The following RASL10A variants were observed in gnomAD, a reference collection of about 807,000 sequenced individuals.
The protein encoded by RASL10A is ras-like protein family member 10A.
A neutral mutation model predicts 17.3 loss-of-function variants in RASL10A; 13 were observed. The observed-to-expected ratio is 0.75, with a 90% CI of 0.49 to 1.20. The LOEUF (loss-of-function observed/expected upper bound fraction) is 1.20, where lower values mean the gene tolerates loss of function less well. Ranked by LOEUF, RASL10A falls within the 50% of genes most tolerant of loss-of-function variation. RASL10A has a pLI of 0.00. For missense variants in RASL10A, 307 were observed against 310.3 expected (o/e 0.99, Z 0.08); for synonymous variants, 159 against 142.2 (o/e 1.12, Z -0.84).
upstream of RASL10A, chr22:29,319,760 G>C (rs1297951369): frequency 6.6e-6 from 1 of 152,268 alleles, no homozygotes; most frequent in Non-Finnish European, 1.5e-5. Context: ...GCCGAGGCAG[G>C]GGAATCACGA....
At chr22:29,318,846 G>C (rs1199343650), upstream of RASL10A, among the ~76,000 whole-genome samples, 1 of 152,210 alleles carries the variant, frequency 6.6e-6, no homozygotes, top group African/African-American at 2.4e-5. Context: ...GGCACACAGT[G>C]GCCAAGGTGG....
rs2061428866 is a variant in RASL10A, at chr22:29,313,175, T to C, written c.*126A>G. The C allele has an allele frequency of 7.9e-7, 1 of 1,270,874 alleles. No individual in the cohort carries two copies. Among genetic ancestry groups the C allele is most frequent in the Non-Finnish European group, 1.0e-6 (1 of 967,346 alleles). 78.7% of individuals were successfully genotyped at this position (1,270,874 alleles called of 1,614,324 possible). A position where few individuals can be genotyped will look rare whatever the true frequency, so the allele number is the denominator to read the frequency against. ...CGCTTAGGAGACTGGGTTGGAGCTT[T>C]CCTCATCCAATCAGGGCGGAGACTT... On this transcript the variant is annotated 3_prime_UTR_variant, in exon 3 of 3. Transcript: ENST00000216101.
chr22:29,313,541 G>A lies in RASL10A; in HGVS notation c.372C>T (p.Ile124=), dbSNP rs1284968576. The A allele has an allele frequency of 6.4e-7, 1 of 1,553,908 alleles. No individual in the cohort carries two copies. Among genetic ancestry groups the A allele is most frequent in the Non-Finnish European group, 8.6e-7 (1 of 1,160,322 alleles). Residue 124 remains isoleucine (I), a synonymous_variant, in exon 3 of 3, where the codon ATC becomes ATT. Transcript: ENST00000216101. ...TRPAGAPEAP[I]LVVGNKRDRQ... Reference sequence around the variant, plus strand: ...TGTCCCGCTTGTTGCCTACCACGAGGATGGGCGCTTCGGGCGCGCCCGCCG... The same window carrying A: ...TGTCCCGCTTGTTGCCTACCACGAGAATGGGCGCTTCGGGCGCGCCCGCCG...
chr22:29,315,922 A>G (rs1180960875), upstream of RASL10A, among the ~76,000 whole-genome samples: 1 of 151,632 alleles, frequency 6.6e-6, no homozygotes, highest in Non-Finnish European at 1.5e-5. This position sits in a 1 kb window ranked among gnomAD's most constrained non-coding sequence, Gnocchi z 5.5. Flanking sequence ...CTTCCCACCC[A>G]CTGCCGCGGC....
upstream of RASL10A, among the ~76,000 whole-genome samples, chr22:29,318,484 C>T (rs1440744764): frequency 6.6e-6 from 1 of 152,212 alleles, no homozygotes; most frequent in East Asian, 1.9e-4. Flanking sequence ...ACCACTCAGC[C>T]CCCTGTCGGG....
upstream of RASL10A, chr22:29,316,921 TG>T (rs751362014): frequency 2.8e-4 from 42 of 151,462 alleles, no homozygotes; most frequent in Middle Eastern, 3.5e-3. Context: ...GCACAGACAA[TG>T]TGCCCACACC....
chr22:29,313,171 G>A lies in RASL10A; in HGVS notation c.*130C>T, dbSNP rs957650747. 16 of 1,249,118 alleles carry A rather than the reference G, an allele frequency of 1.3e-5. No individual in the cohort carries two copies. In the African/African-American group the frequency reaches 1.9e-4, roughly 15 times the overall value. The allele number at this position is 1,249,118 out of a possible 1,614,324, so 77.4% of individuals were successfully genotyped here. A position where few individuals can be genotyped will look rare whatever the true frequency, so the allele number is the denominator to read the frequency against. On this transcript the variant is annotated 3_prime_UTR_variant, in exon 3 of 3. Coordinates refer to ENST00000216101, the MANE Select transcript of RASL10A (RefSeq NM_006477.5). The stretch of plus-strand genomic sequence containing the variant: ...CAGTCGCTTAGGAGACTGGGTTGGA[G>A]CTTTCCTCATCCAATCAGGGCGGAG...
Position 29,313,265 on chromosome 22 carries a change from C to G in RASL10A, c.*36G>C, listed in dbSNP as rs2061429861. On this transcript the variant is annotated 3_prime_UTR_variant, in exon 3 of 3. Transcript: ENST00000216101. ...TCCAGGTCCCTGATTGTCCCAGTCA[C>G]AAGGTGGGGCCCATGGATGGCACTG... 6.2e-6 allele frequency: 9 copies of G among 1,452,336 alleles called. No individual in the cohort carries two copies. The highest frequency in any genetic ancestry group is 7.3e-6 in the Non-Finnish European group (8 of 1,099,058). 90.0% of individuals were successfully genotyped at this position (1,452,336 alleles called of 1,614,324 possible). A position where few individuals can be genotyped will look rare whatever the true frequency, so the allele number is the denominator to read the frequency against.
chr22:29,318,821 AG>A (rs2061464561), upstream of RASL10A, among the ~76,000 whole-genome samples: 1 of 152,196 alleles, frequency 6.6e-6, no homozygotes. Context: ...CCTTCAGCAG[AG>A]GGGACTGGCA....
At position 29,313,392 on chromosome 22, in the gene RASL10A, A is replaced by C; in HGVS notation, c.521T>G (p.Leu174Arg). 1 of 1,543,014 alleles carries C rather than the reference A, an allele frequency of 6.5e-7. No individual in the cohort carries two copies. The highest frequency in any genetic ancestry group is 1.4e-5 in the African/African-American group (1 of 73,144). The change falls in exon 3 of 3, where the codon CTG becomes CGG. Residue 174 changes from leucine (L) to arginine (R), a missense_variant. Leu to Arg is a moderately radical substitution (Grantham distance 102). Transcript: ENST00000216101. ...CGCGCGCACCAGAGCGCAGCGCAGC[A>C]GCTCGCGGAAGAGACGCAGCACGTG... Reference protein sequence around the residue: ...NWHVLRLFRELLRCALVRARP... With the variant: ...NWHVLRLFRERLRCALVRARP...
Position 29,315,459 on chromosome 22 carries a change from G to A in RASL10A, c.-213C>T, listed in dbSNP as rs1027737851. The A allele has an allele frequency of 1.8e-5, 5 of 282,296 alleles. No individual in the cohort carries two copies. Among genetic ancestry groups the A allele is most frequent in the African/African-American group, 6.7e-5 (3 of 44,730 alleles). The allele number at this position is 282,296 out of a possible 1,614,324, so 17.5% of individuals were successfully genotyped here. On this transcript the variant is annotated 5_prime_UTR_variant, in exon 1 of 3. Transcript: ENST00000216101. This position sits in a 1 kb window ranked among gnomAD's most constrained non-coding sequence, Gnocchi z 5.5. Reference sequence around the variant, plus strand: ...AGACAGACAGCCGAGTGGGCAGACAGGTGGCGGGCGCGCGAGCGGCTCGGG... The same window carrying A: ...AGACAGACAGCCGAGTGGGCAGACAAGTGGCGGGCGCGCGAGCGGCTCGGG...
chr22:29,314,093 T>C, intron 1 of RASL10A, 106 bp from the exon 2 acceptor site: 1 of 1,449,392 alleles, frequency 6.9e-7, no homozygotes, highest in Non-Finnish European at 9.3e-7. Flanking sequence ...ATCACCCCCA[T>C]ACAGACCTCT....
intron 1 of RASL10A, 90 bp downstream of exon 1, chr22:29,314,938 C>T (rs1230414777): frequency 2.6e-5 from 29 of 1,107,494 alleles, no homozygotes; most frequent in Non-Finnish European, 3.3e-5. Flanking sequence ...AGCCAGGCGC[C>T]CGAGGCCTCC....
Position 29,315,164 on chromosome 22 carries a change from TC to T in RASL10A, c.82del (p.Asp28ThrfsTer28). On this transcript the variant is annotated frameshift_variant, in exon 1 of 3. Transcript: ENST00000216101. LOFTEE classifies it high-confidence loss of function. The surrounding 1 kb of genome is among the most constrained non-coding windows in gnomAD (Gnocchi z 5.5). The part of the protein sequence containing the change: ...TAIIRQFLFG[D>X]YPERHRPTDG... ...CGTGGGCCGGTGGCGCTCGGGGTAG[TC>T]ACCGAACAGGAACTGGCGGATGATG... The T allele has an allele frequency of 6.5e-7, 1 of 1,539,542 alleles. No individual in the cohort carries two copies. Among genetic ancestry groups the T allele is most frequent in the Non-Finnish European group, 8.7e-7 (1 of 1,149,288 alleles).
In RASL10A at chr22:29,313,578, G is replaced by T. The variant is rs868173606; in HGVS notation, c.345-10C>A. 1.3e-6 allele frequency: 2 copies of T among 1,526,546 alleles called. No individual in the cohort carries two copies. The highest frequency in any genetic ancestry group is 1.7e-6 in the Non-Finnish European group (2 of 1,148,438). The allele number at this position is 1,526,546 out of a possible 1,614,324, so 94.6% of individuals were successfully genotyped here. Reference sequence around the variant, plus strand: ...GGGCGCGCCCGCCGGCCTGGGGGCCGAATGGAGATGAGAGACGCGGGGACC... The same window carrying T: ...GGGCGCGCCCGCCGGCCTGGGGGCCTAATGGAGATGAGAGACGCGGGGACC... On this transcript the variant is annotated splice_polypyrimidine_tract_variant and intron_variant, in intron 2 of 2. Coordinates refer to ENST00000216101, the MANE Select transcript of RASL10A (RefSeq NM_006477.5).
At position 29,313,980 on chromosome 22, in the gene RASL10A, G is replaced by GGT. The variant is rs749559818; in HGVS notation, c.226_227insAC (p.Pro76HisfsTer30). On this transcript the variant is annotated frameshift_variant, in exon 2 of 3. Coordinates refer to ENST00000216101, the MANE Select transcript of RASL10A (RefSeq NM_006477.5). LOFTEE classifies it high-confidence loss of function. ...CTGCAAGCTCCAGTCCTTAGCGTCT[G>GGT]GCCACTCCTGGGGACAGGAGGCCAG... The GGT allele has an allele frequency of 1.2e-6, 2 of 1,613,398 alleles. No individual in the cohort carries two copies. Among genetic ancestry groups the GGT allele is most frequent in the Non-Finnish European group, 8.5e-7 (1 of 1,180,018 alleles).
At chr22:29,313,704 G>A in intron 2 of RASL10A, 136 bp from the exon 3 acceptor site, 1 of 1,426,046 alleles carries the variant, frequency 7.0e-7, no homozygotes, top group Non-Finnish European at 9.3e-7. Context: ...GAAACCCCAG[G>A]CCCATGTGGG....
chr22:29,313,808 A>C (rs1022666755), intron 2 of RASL10A, 55 bp downstream of exon 2: 4 of 1,603,208 alleles, frequency 2.5e-6, no homozygotes, highest in Non-Finnish European at 2.5e-6. Context: ...TCCTCAGGCA[A>C]AGGCCCTGCC....
In RASL10A at chr22:29,313,386, C is replaced by T; in HGVS notation, c.527G>A (p.Arg176His). 3 of 1,543,310 alleles carry T rather than the reference C, an allele frequency of 1.9e-6. No individual in the cohort carries two copies. The highest frequency in any genetic ancestry group is 2.6e-6 in the Non-Finnish European group (3 of 1,146,328). The part of the protein sequence containing the change: ...HVLRLFRELL[R>H]CALVRARPAH... Reference sequence around the variant, plus strand: ...AGGGCGCGCGCGCACCAGAGCGCAGCGCAGCAGCTCGCGGAAGAGACGCAG... The same window carrying T: ...AGGGCGCGCGCGCACCAGAGCGCAGTGCAGCAGCTCGCGGAAGAGACGCAG... The change falls in exon 3 of 3, where the codon CGC becomes CAC. Residue 176 changes from arginine (R) to histidine (H), a missense_variant. Physicochemically the swap from Arg to His is conservative, Grantham distance 29. Coordinates refer to ENST00000216101, the MANE Select transcript of RASL10A (RefSeq NM_006477.5).
Sources: allele counts gnomAD v4.1 joint callset (sites outside exome capture counted in the v4.1 genomes callset), GRCh38; gene constraint gnomAD v4.1.1; non-coding constraint Gnocchi (gnomAD v3.1); transcripts MANE v1.5; gene names NCBI Gene and HGNC (gene_info 2026-07-23, HGNC 2026-07-21).